The following TAFA4 variants were observed in gnomAD, a reference collection of about 807,000 sequenced individuals.
The protein encoded by TAFA4 is TAFA chemokine like family member 4.
TAFA4 carries 20 observed loss-of-function variants against 21.1 expected under a neutral mutation model. The ratio of observed to expected loss-of-function variants is 0.95; its 90% CI spans 0.67 to 1.38. TAFA4 has a LOEUF of 1.38. TAFA4 is among the 40% of genes most tolerant of loss of function. The pLI, the probability that TAFA4 is intolerant of heterozygous loss-of-function variation, is 0.00. For synonymous variants in TAFA4, 71 were observed against 67.4 expected (o/e 1.05, Z -0.26); for missense variants, 211 against 180.9 (o/e 1.17, Z -0.95).
chr3:68,788,442 G>A (rs188747283), intron 3 of TAFA4, among the ~76,000 whole-genome samples: 188 of 152,272 alleles, frequency 1.2e-3, no homozygotes, highest in Middle Eastern at 3.4e-3. Flanking sequence ...AAAAGCACAA[G>A]TCTTTGCTGT....
intron 3 of TAFA4, among the ~76,000 whole-genome samples, chr3:68,845,700 A>G (rs1040245946): frequency 2.6e-5 from 4 of 152,150 alleles, no homozygotes; most frequent in Admixed American, 6.6e-5. Flanking sequence ...AGGAGCTCTT[A>G]TAAGGCTGGC....
At chr3:68,807,292 AG>A (rs773485511) in intron 3 of TAFA4, among the ~76,000 whole-genome samples, 8 of 152,242 alleles carry the variant, frequency 5.3e-5, no homozygotes, top group Non-Finnish European at 7.3e-5. Context: ...TAGCAATAGA[AG>A]CTGAAGCTGA....
At chr3:68,913,076 C>T (rs1479988053) in intron 1 of TAFA4, among the ~76,000 whole-genome samples, 2 of 152,104 alleles carry the variant, frequency 1.3e-5, no homozygotes, top group African/African-American at 2.4e-5. Context: ...GGAATTAACA[C>T]GAAAAGACTT....
At chr3:68,880,676 C>T (rs2089606045) in intron 3 of TAFA4, 54 bp downstream of exon 3, 5 of 1,455,912 alleles carry the variant, frequency 3.4e-6, no homozygotes, top group South Asian at 2.3e-5. Flanking sequence ...TGGACTCTGA[C>T]ATTTGGAGGG....
intron 3 of TAFA4, among the ~76,000 whole-genome samples, chr3:68,850,870 G>T (rs945603432): frequency 2.6e-5 from 4 of 152,004 alleles, no homozygotes; most frequent in African/African-American, 7.3e-5. Context: ...TTTCTGTGCA[G>T]GAGCTTTTTA....
intron 1 of TAFA4, among the ~76,000 whole-genome samples, chr3:68,902,082 A>G (rs1239467562): frequency 6.6e-6 from 1 of 152,218 alleles, no homozygotes; most frequent in Non-Finnish European, 1.5e-5. Context: ...AGAATTTTCA[A>G]TGCATTAACT....
chr3:68,836,581 T>C (rs11720143), intron 3 of TAFA4, among the ~76,000 whole-genome samples: 45,808 of 152,088 alleles, frequency 0.3, 7,404 homozygotes, highest in Non-Finnish European at 0.37. Flanking sequence ...ATTCATTCAA[T>C]ATATGTTTAT....
chr3:68,818,452 T>C (rs906974281), intron 3 of TAFA4, among the ~76,000 whole-genome samples: 1 of 152,238 alleles, frequency 6.6e-6, no homozygotes, highest in Admixed American at 6.5e-5. Context: ...TTCCCTTGCA[T>C]CCACAACTTC....
intron 3 of TAFA4, among the ~76,000 whole-genome samples, chr3:68,802,936 T>G (rs1703607084): frequency 6.6e-6 from 1 of 152,212 alleles, no homozygotes; most frequent in African/African-American, 2.4e-5. Context: ...TCTTTGGCAA[T>G]TTGCTGTCAA....
chr3:68,769,893 T>C (rs1177120384), intron 3 of TAFA4, among the ~76,000 whole-genome samples: 2 of 152,202 alleles, frequency 1.3e-5, no homozygotes, highest in East Asian at 1.9e-4. Flanking sequence ...GTAAATTCTT[T>C]TCGAATTCAG....
intron 3 of TAFA4, among the ~76,000 whole-genome samples, chr3:68,880,424 G>GCA (rs370982601): frequency 0.14 from 20,203 of 147,900 alleles, 1,742 homozygotes; most frequent in Middle Eastern, 0.32. Flanking sequence ...TGACATGTAT[G>GCA]CACACACACA....
chr3:68,834,446 T>C (rs1704475626), intron 3 of TAFA4, among the ~76,000 whole-genome samples: 2 of 152,192 alleles, frequency 1.3e-5, no homozygotes, highest in African/African-American at 4.8e-5. Flanking sequence ...ACTGTGCTCA[T>C]AAAACCCAAA....
At chr3:68,930,010 AT>A (rs2090144459) in intron 1 of TAFA4, among the ~76,000 whole-genome samples, 1 of 152,358 alleles carries the variant, frequency 6.6e-6, no homozygotes, top group Middle Eastern at 3.4e-3. Context: ...TCAACATGCC[AT>A]TTACATAGCA....
At chr3:68,909,722 A>G (rs970447829) in intron 1 of TAFA4, among the ~76,000 whole-genome samples, 2 of 152,224 alleles carry the variant, frequency 1.3e-5, no homozygotes, top group Non-Finnish European at 2.9e-5. Flanking sequence ...CTGACACGTA[A>G]TTCACATGAC....
chr3:68,890,557 G>C (rs554546684), intron 1 of TAFA4, among the ~76,000 whole-genome samples: 19 of 152,276 alleles, frequency 1.2e-4, no homozygotes, highest in African/African-American at 4.6e-4. Context: ...GCACTTGTTA[G>C]TCATTTTAAA....
At chr3:68,881,245 T>C (rs1013095685) in intron 2 of TAFA4, among the ~76,000 whole-genome samples, 1 of 152,308 alleles carries the variant, frequency 6.6e-6, no homozygotes, top group East Asian at 1.9e-4. Context: ...ATTTTGCACA[T>C]GTGGTCCAAG....
In TAFA4 at chr3:68,916,678, G is replaced by A. The variant is rs553228680; in HGVS notation, c.-123+15562C>T. Among the ~76,000 whole-genome samples, 24 of 152,306 alleles carry A rather than the reference G, an allele frequency of 1.6e-4. 2 individuals are homozygous for A. Among genetic ancestry groups the A allele is most frequent in the African/African-American group, 5.8e-4 (24 of 41,564 alleles). On this transcript the variant is annotated intron_variant, in intron 1 of 5. Coordinates refer to ENST00000295569, the MANE Select transcript of TAFA4 (RefSeq NM_182522.5). ...TTAAGCCTAGTGGTAGAACGGTCAA[G>A]GCAGGTACTTCAGCACCACAGAATC...
At chr3:68,788,790 ATTTT>A (rs1372331676) in intron 3 of TAFA4, among the ~76,000 whole-genome samples, 4 of 151,846 alleles carry the variant, frequency 2.6e-5, no homozygotes, top group Admixed American at 6.6e-5. Flanking sequence ...TTTTTATTTT[ATTTT>A]ATTTTATTTT....
intron 3 of TAFA4, among the ~76,000 whole-genome samples, chr3:68,850,837 G>T (rs558097832): frequency 6.6e-6 from 1 of 151,870 alleles, no homozygotes; most frequent in African/African-American, 2.4e-5. Flanking sequence ...TAGGTTGCCT[G>T]TTCTCTCTGA....
Sources: gnomAD v4.1 joint callset for allele counts (sites outside exome capture counted in the v4.1 genomes callset) on GRCh38, gnomAD v4.1.1 for gene constraint, MANE v1.5 for transcripts, NCBI Gene and HGNC (gene_info 2026-07-23, HGNC 2026-07-21) for gene names.